AOAH: variants seen among roughly 807,000 people sequenced by gnomAD.
The protein encoded by AOAH is acyloxyacyl hydrolase.
A neutral mutation model predicts 92.2 loss-of-function variants in AOAH; 64 were observed. The ratio of observed to expected loss-of-function variants is 0.69; its 90% confidence interval spans 0.57 to 0.86. The LOEUF (loss-of-function observed/expected upper bound fraction) is 0.86. Ranked by LOEUF, AOAH falls within the 40% of genes least tolerant of loss-of-function variation. AOAH has a pLI of 0.00. For missense variants in AOAH, 656 were observed against 694.6 expected, an observed-to-expected ratio of 0.94 and a Z score of 0.62; for synonymous variants, 263 against 254.5, an observed-to-expected ratio of 1.03 and a Z score of -0.32.
chr7:36,662,871 A>G (rs1279308640), intron 3 of AOAH, among the ~76,000 whole-genome samples: 1 of 152,210 alleles, frequency 6.6e-6, no homozygotes. Flanking sequence ...AAGATGATTT[A>G]TCATCAAAAA....
At chr7:36,582,796 A>G (rs147326306) in intron 12 of AOAH, among the ~76,000 whole-genome samples, 26 of 152,190 alleles carry the variant, frequency 1.7e-4, no homozygotes, top group African/African-American at 6.0e-4. Flanking sequence ...CAGATGTGAT[A>G]TGATTCAAGC....
chr7:36,718,942 T>C (rs761202699), intron 1 of AOAH, among the ~76,000 whole-genome samples: 6 of 152,242 alleles, frequency 3.9e-5, no homozygotes, highest in Non-Finnish European at 8.8e-5. Context: ...ACATGAATTA[T>C]ATTTCTCAAT....
chr7:36,610,544 C>A (rs1191198060), intron 11 of AOAH, among the ~76,000 whole-genome samples: 1 of 149,376 alleles, frequency 6.7e-6, no homozygotes. Context: ...TATTTCAAAA[C>A]AAGCCTGATA....
chr7:36,608,430 T>C (rs1791159691), intron 11 of AOAH, among the ~76,000 whole-genome samples: 1 of 152,200 alleles, frequency 6.6e-6, no homozygotes, highest in African/African-American at 2.4e-5. Flanking sequence ...GAAGAAATAT[T>C]GGTGGTGGGA....
At chr7:36,548,568 C>T in intron 15 of AOAH, 44 bp downstream of exon 15, 1 of 1,542,062 alleles carries the variant, frequency 6.5e-7, no homozygotes, top group Non-Finnish European at 9.0e-7. Context: ...GGGGAAGAGC[C>T]CAGAGCCAAA....
At position 36,712,023 on chromosome 7, in the gene AOAH, T is replaced by G. The variant is rs546158561; in HGVS notation, c.127+11999A>C. 2.7e-3 allele frequency among the ~76,000 whole-genome samples: 405 copies of G among 152,294 alleles called. 1 individual carries two copies. Among genetic ancestry groups the G allele is most frequent in the Admixed American group, 4.9e-3 (75 of 15,298 alleles). ...TAACCACATAAATGGCAAGATGAAA[T>G]GTTTTCTGCTATCAGCAGAAACAGT... On this transcript the variant is annotated intron_variant, in intron 1 of 20. Coordinates refer to ENST00000617537, the MANE Select transcript of AOAH (RefSeq NM_001637.4).
intron 4 of AOAH, among the ~76,000 whole-genome samples, chr7:36,650,155 AAGTGGC>A (rs1794489242): frequency 1.9e-5 from 1 of 51,684 alleles, no homozygotes; most frequent in African/African-American, 9.8e-5. Flanking sequence ...ACCGTCTTGG[AAGTGGC>A]CCACCACCGT....
chr7:36,659,755 C>CT (rs112482487), intron 3 of AOAH, among the ~76,000 whole-genome samples: 81,955 of 127,882 alleles, frequency 0.64, 27,107 homozygotes, highest in East Asian at 0.82. Flanking sequence ...TTTTTTCTTT[C>CT]TTTTTTTTTT....
chr7:36,616,421 G>C lies in AOAH; in HGVS notation c.805C>G (p.His269Asp), dbSNP rs183046097. ...GCTGTGATCCATTCAGGAGAGATGT[G>C]AAAATGAGCCCCAGCTGAGTCTCCC... ...LLGDSAGAHF[H>D]ISPEWITASQ... The change falls in exon 11 of 21, where the codon CAC becomes GAC. Residue 269 changes from histidine to aspartate, a missense_variant. Transcript: ENST00000617537. The C allele has an allele frequency of 2.2e-4, 360 of 1,614,068 alleles. No individual in the cohort carries two copies. The East Asian group carries it at 6.6e-3, about 29-fold the overall frequency.
In AOAH at chr7:36,673,990, G is replaced by A. The variant is rs943459758; in HGVS notation, c.243C>T (p.Thr81=). ...SYLPEKLFLK[T]TCYLVIDKFG... Reference sequence around the variant, plus strand: ...ACTTGTCAATGACTAAATAGCAGGTGGTTTTCAAGAACAGTTTTTCTAAAA... The same window carrying A: ...ACTTGTCAATGACTAAATAGCAGGTAGTTTTCAAGAACAGTTTTTCTAAAA... The change falls in exon 3 of 21, where the codon ACC becomes ACT. Residue 81 remains threonine, a synonymous_variant. Transcript: ENST00000617537. 2.5e-6 allele frequency: 4 copies of A among 1,608,566 alleles called. No individual in the cohort carries two copies. The highest frequency in any genetic ancestry group is 1.6e-4 in the Middle Eastern group (1 of 6,074).
intron 20 of AOAH, 50 bp downstream of exon 20, chr7:36,521,989 C>A (rs765807496): frequency 6.7e-7 from 1 of 1,502,602 alleles, no homozygotes; most frequent in East Asian, 2.3e-5. Flanking sequence ...TAATTAAAAA[C>A]CAACAAACCA....
chr7:36,714,085 C>T (rs1390729602), intron 1 of AOAH, among the ~76,000 whole-genome samples: 2 of 151,802 alleles, frequency 1.3e-5, no homozygotes, highest in Admixed American at 1.3e-4. Context: ...GCTAGCAAGA[C>T]TAATAAAGAG....
In AOAH at chr7:36,618,249, G is replaced by A. The variant is rs534626146; in HGVS notation, c.751+48C>T. On this transcript the variant is annotated intron_variant, in intron 10 of 20. Transcript: ENST00000617537. ...GCTCACTTCAATTTGACTCAAACTAGAAAAGAATATCTATCATTATAACCA... is the reference window on the plus strand; with the variant it reads ...GCTCACTTCAATTTGACTCAAACTAAAAAAGAATATCTATCATTATAACCA... 43 of 1,568,694 alleles carry A rather than the reference G, an allele frequency of 2.7e-5. 1 individual carries two copies. In the East Asian group the frequency reaches 8.1e-4, roughly 29 times the overall value.
intron 1 of AOAH, among the ~76,000 whole-genome samples, chr7:36,700,304 G>A (rs562528437): frequency 6.6e-6 from 1 of 152,034 alleles, no homozygotes; most frequent in South Asian, 2.1e-4. Flanking sequence ...TACCCATTAA[G>A]TAATTTCTCT....
rs1015512435 is a variant in AOAH, at chr7:36,530,976, G to A, written c.1426-462C>T. 2.2e-5 allele frequency among the ~76,000 whole-genome samples: 3 copies of A among 135,646 alleles called. No homozygotes were observed. In the East Asian group the frequency reaches 5.8e-4, roughly 26 times the overall value. 89.0% of individuals were successfully genotyped at this position (135,646 alleles called of 152,430 possible). ...GACTTACACCTTTAGATATACGATG[G>A]CTCATCACAATGCTATTTATCATAG... On this transcript the variant is annotated intron_variant, in intron 18 of 20. Coordinates refer to ENST00000617537, the MANE Select transcript of AOAH (RefSeq NM_001637.4).
At chr7:36,679,000 G>T (rs1045145109) in intron 2 of AOAH, among the ~76,000 whole-genome samples, 2 of 152,144 alleles carry the variant, frequency 1.3e-5, no homozygotes, top group African/African-American at 2.4e-5. Flanking sequence ...AATTTCTACA[G>T]ATTAAAAGAG....
chr7:36,552,574 G>A (rs191414280), intron 13 of AOAH, among the ~76,000 whole-genome samples: 4 of 152,156 alleles, frequency 2.6e-5, no homozygotes, highest in Non-Finnish European at 4.4e-5. Flanking sequence ...TTGAGGAAGT[G>A]CCACACTGTC....
intron 15 of AOAH, among the ~76,000 whole-genome samples, chr7:36,542,059 G>T (rs1312995803): frequency 2.0e-5 from 3 of 152,146 alleles, no homozygotes; most frequent in Admixed American, 2.0e-4. Context: ...GGTCTTCATG[G>T]TTGTCATTAG....
chr7:36,693,675 CTT>C (rs1797543438), intron 1 of AOAH, among the ~76,000 whole-genome samples: 1 of 152,080 alleles, frequency 6.6e-6, no homozygotes, highest in Non-Finnish European at 1.5e-5. Flanking sequence ...GTAAAATTAG[CTT>C]ATCTAAGCAA....
Sources: gnomAD v4.1 joint callset for allele counts (sites outside exome capture counted in the v4.1 genomes callset) on GRCh38, gnomAD v4.1.1 for gene constraint, MANE v1.5 for transcripts, NCBI Gene and HGNC (gene_info 2026-07-23, HGNC 2026-07-21) for gene names.